The following VPS13B variants were observed in gnomAD, a reference collection of about 807,000 sequenced individuals.
VPS13B encodes vacuolar protein sorting 13 homolog B.
In VPS13B, 285 loss-of-function variants were observed where a neutral mutation model predicts 426.4. That is an observed-to-expected ratio of 0.67 (90% confidence interval 0.61 to 0.74). VPS13B has a LOEUF of 0.74. VPS13B is among the 30% of genes least tolerant of loss of function. VPS13B has a pLI of 0.00. For missense variants in VPS13B, 4,537 were observed against 4,782.6 expected (o/e 0.95, Z 1.51); for synonymous variants, 1,676 against 1,676.4 (o/e 1.00, Z 0.01).
chr8:99,505,228 C>G (rs1821432892), intron 27 of VPS13B, among the ~76,000 whole-genome samples: 1 of 152,196 alleles, frequency 6.6e-6, no homozygotes, highest in African/African-American at 2.4e-5. Context: ...ACTTTCTTGT[C>G]ATTTGCAAGT....
At chr8:99,641,748 C>T (rs1829374302) in intron 33 of VPS13B, 63 bp from the exon 34 acceptor site, 5 of 1,453,410 alleles carry the variant, frequency 3.4e-6, no homozygotes, top group East Asian at 2.4e-5. Context: ...GTTTATATAA[C>T]ATTGTTTATA....
intron 13 of VPS13B, among the ~76,000 whole-genome samples, chr8:99,147,262 C>T (rs1457100216): frequency 1.3e-5 from 2 of 152,172 alleles, no homozygotes; most frequent in African/African-American, 4.8e-5. Context: ...CAGGCACCTG[C>T]CACCATGCCC....
Position 99,562,713 on chromosome 8 carries a change from A to G in VPS13B, c.4949+6060A>G, listed in dbSNP as rs930706818. Among the ~76,000 whole-genome samples, 3 of 151,860 alleles carry G rather than the reference A, an allele frequency of 2.0e-5. No individual in the cohort carries two copies. The East Asian group carries it at 5.8e-4, about 29-fold the overall frequency. On this transcript the variant is annotated intron_variant, in intron 31 of 61. Transcript: ENST00000357162. ...TTTTTATAATGGAATTTTTTTGTTT[A>G]TGGTATGAGGTAAAGGTCCAATTTC...
intron 17 of VPS13B, among the ~76,000 whole-genome samples, chr8:99,217,892 T>C (rs1280693138): frequency 1.3e-5 from 2 of 152,226 alleles, no homozygotes; most frequent in Admixed American, 6.5e-5. Context: ...AATAGAGATT[T>C]CATGGCTCAC....
chr8:99,390,916 C>T (rs1217729181), intron 20 of VPS13B, among the ~76,000 whole-genome samples: 1 of 152,124 alleles, frequency 6.6e-6, no homozygotes, highest in Non-Finnish European at 1.5e-5. Flanking sequence ...TCCAGCTCAG[C>T]CCTCATGCAT....
At chr8:99,819,619 C>A (rs1297529606) in intron 48 of VPS13B, 37 bp downstream of exon 48, 4 of 1,603,014 alleles carry the variant, frequency 2.5e-6, no homozygotes, top group East Asian at 4.5e-5. Context: ...ACAAAAATTT[C>A]TCAACATTAA....
At chr8:99,697,177 T>C in intron 35 of VPS13B, 1 of 544,540 alleles carries the variant, frequency 1.8e-6, no homozygotes, top group Non-Finnish European at 3.4e-6. Context: ...GAAGAGCAGG[T>C]GAAAGTGGCT....
chr8:99,560,042 T>G (rs1191156386), intron 31 of VPS13B, among the ~76,000 whole-genome samples: 2 of 152,210 alleles, frequency 1.3e-5, no homozygotes, highest in Admixed American at 1.3e-4. Context: ...TCTGTGAGCA[T>G]GGAATATTCT....
chr8:99,623,976 C>T (rs1588561127), intron 33 of VPS13B, among the ~76,000 whole-genome samples: 3 of 130,806 alleles, frequency 2.3e-5, no homozygotes, highest in South Asian at 4.8e-4. Context: ...AAGGTAAAGG[C>T]TATGTCTATG....
intron 15 of VPS13B, among the ~76,000 whole-genome samples, chr8:99,169,564 C>T (rs1588109662): frequency 2.6e-5 from 4 of 151,954 alleles, no homozygotes; most frequent in East Asian, 3.9e-4. Context: ...TTTTCGATAT[C>T]CTTTTTGTAT....
chr8:99,565,622 T>G (rs1240332564), intron 31 of VPS13B, among the ~76,000 whole-genome samples: 1 of 152,184 alleles, frequency 6.6e-6, no homozygotes, highest in African/African-American at 2.4e-5. Context: ...TTTTTGAGAC[T>G]ATTCCCCAAA....
intron 2 of VPS13B, among the ~76,000 whole-genome samples, chr8:99,016,926 CAGAT>C (rs1841653753): frequency 6.6e-6 from 1 of 152,052 alleles, no homozygotes; most frequent in Admixed American, 6.6e-5. Flanking sequence ...AGTCCTTTGC[CAGAT>C]AGATGTTTTG....
Position 99,835,683 on chromosome 8 carries a change from A to T in VPS13B, c.9887A>T (p.Asp3296Val). 1 of 1,614,188 alleles carries T rather than the reference A, an allele frequency of 6.2e-7. No homozygotes were observed. The highest frequency in any genetic ancestry group is 8.5e-7 in the Non-Finnish European group (1 of 1,180,036). Residue 3296 changes from aspartate (D) to valine (V), a missense_variant, in exon 54 of 62, where the codon GAT becomes GTT. Coordinates refer to ENST00000357162, the MANE Select transcript of VPS13B (RefSeq NM_152564.5). ...CTACTTTTGAGAGTTGAACCTCTAG[A>T]TGAAGTAACAACTGAGTGGAGTGAT... is the stretch of plus-strand genomic sequence containing the variant. ...PSLLLRVEPL[D>V]EVTTEWSDAI... is the part of the protein sequence containing the mutation.
intron 19 of VPS13B, among the ~76,000 whole-genome samples, chr8:99,288,967 T>C (rs1420436730): frequency 6.6e-6 from 1 of 151,778 alleles, no homozygotes; most frequent in African/African-American, 2.4e-5. Context: ...GAGGCTGAGG[T>C]GGAAGGATCA....
chr8:99,173,098 T>C (rs1446830469), intron 16 of VPS13B, among the ~76,000 whole-genome samples: 1 of 152,218 alleles, frequency 6.6e-6, no homozygotes, highest in Non-Finnish European at 1.5e-5. Context: ...GAGGGACTTC[T>C]AAGTTCCCAT....
chr8:99,402,102 T>C (rs1421545875), intron 21 of VPS13B, among the ~76,000 whole-genome samples: 1 of 152,206 alleles, frequency 6.6e-6, no homozygotes, highest in African/African-American at 2.4e-5. Context: ...AGTTCAGATA[T>C]GATTATCCTG....
chr8:99,732,554 T>C (rs1293512101), intron 39 of VPS13B, among the ~76,000 whole-genome samples: 1 of 152,114 alleles, frequency 6.6e-6, no homozygotes, highest in African/African-American at 2.4e-5. Context: ...AAAGAGGAGA[T>C]ATTGGGAGAC....
intron 33 of VPS13B, among the ~76,000 whole-genome samples, chr8:99,639,593 A>T (rs980490702): frequency 1.3e-5 from 2 of 151,010 alleles, no homozygotes; most frequent in Non-Finnish European, 2.9e-5. Context: ...GGATTACCTC[A>T]CTTTCTTGAC....
intron 3 of VPS13B, among the ~76,000 whole-genome samples, chr8:99,060,235 G>C (rs1049856313): frequency 6.6e-6 from 1 of 152,144 alleles, no homozygotes; most frequent in African/African-American, 2.4e-5. Flanking sequence ...CTTGTGTCTA[G>C]ATCCTAGAAG....
Sources: allele counts gnomAD v4.1 joint callset (sites outside exome capture counted in the v4.1 genomes callset), GRCh38; gene constraint gnomAD v4.1.1; transcripts MANE v1.5; gene names NCBI Gene and HGNC (gene_info 2026-07-23, HGNC 2026-07-21).